CSMD1: variants seen among roughly 807,000 people sequenced by gnomAD.
CSMD1 encodes the protein CUB and sushi domain-containing protein 1.
In CSMD1, 213 loss-of-function variants were observed where a neutral mutation model predicts 417.5. That is an observed-to-expected ratio of 0.51 (90% confidence interval 0.46 to 0.57). The LOEUF (loss-of-function observed/expected upper bound fraction) is 0.57. Ranked by LOEUF, CSMD1 falls within the 20% of genes least tolerant of loss-of-function variation. The pLI, the probability that CSMD1 is intolerant of heterozygous loss-of-function variation, is 0.00. For synonymous variants in CSMD1, 2,862 were observed against 1,736.8 expected (o/e 1.65, Z -16.11); for missense variants, 6,923 against 4,529.7 (o/e 1.53, Z -15.17).
At chr8:4,409,449 C>T (rs1177597239) in intron 3 of CSMD1, among the ~76,000 whole-genome samples, 1 of 151,956 alleles carries the variant, frequency 6.6e-6, no homozygotes, top group African/African-American at 2.4e-5. Context: ...AAATCAACAA[C>T]AAAAAACAGC....
intron 3 of CSMD1, among the ~76,000 whole-genome samples, chr8:4,116,181 A>T (rs577890983): frequency 2.0e-5 from 3 of 151,804 alleles, no homozygotes; most frequent in Non-Finnish European, 4.4e-5. Context: ...TTTAGTACAG[A>T]CGGGGTTTCC....
At chr8:3,807,029 C>A (rs1036704714) in intron 5 of CSMD1, among the ~76,000 whole-genome samples, 1 of 152,090 alleles carries the variant, frequency 6.6e-6, no homozygotes, top group Admixed American at 6.5e-5. Context: ...TATTGTAACC[C>A]AGGCAGTCTG....
At chr8:3,435,508 A>T (rs1258467332) in intron 12 of CSMD1, among the ~76,000 whole-genome samples, 1 of 151,722 alleles carries the variant, frequency 6.6e-6, no homozygotes, top group Non-Finnish European at 1.5e-5. Context: ...CCTGAAGCCC[A>T]CTCTGTCCAC....
At chr8:4,893,137 A>T (rs1054260281) in intron 1 of CSMD1, among the ~76,000 whole-genome samples, 2 of 152,146 alleles carry the variant, frequency 1.3e-5, no homozygotes, top group African/African-American at 4.8e-5. Context: ...ACAGGTAAAC[A>T]TAATACCTTT....
chr8:4,310,146 G>A (rs1006718876), intron 3 of CSMD1, among the ~76,000 whole-genome samples: 7 of 152,224 alleles, frequency 4.6e-5, no homozygotes, highest in South Asian at 2.1e-4. Flanking sequence ...ACTGCTTCAC[G>A]TTTCTAACAC....
intron 1 of CSMD1, among the ~76,000 whole-genome samples, chr8:4,841,071 G>A (rs1800811708): frequency 6.6e-6 from 1 of 152,200 alleles, no homozygotes; most frequent in African/African-American, 2.4e-5. Flanking sequence ...TTCCTGCCTT[G>A]AGAAGAGCAC....
chr8:3,963,485 C>G (rs746773923), intron 5 of CSMD1, among the ~76,000 whole-genome samples: 2 of 152,074 alleles, frequency 1.3e-5, no homozygotes, highest in Non-Finnish European at 2.9e-5. Context: ...GAACATTATG[C>G]AATAGAAGTA....
intron 1 of CSMD1, among the ~76,000 whole-genome samples, chr8:4,641,370 T>G (rs935386470): frequency 6.6e-6 from 1 of 152,132 alleles, no homozygotes; most frequent in Non-Finnish European, 1.5e-5. Flanking sequence ...GTTAGTTTTT[T>G]TGCAGATTTC....
chr8:3,883,044 T>C (rs796588064), intron 5 of CSMD1, among the ~76,000 whole-genome samples: 8 of 152,144 alleles, frequency 5.3e-5, no homozygotes, highest in African/African-American at 1.9e-4. Flanking sequence ...CGCCTGAACA[T>C]ATCTAAGAGC....
At chr8:3,154,174 T>C (rs906921941) in intron 39 of CSMD1, among the ~76,000 whole-genome samples, 1 of 152,216 alleles carries the variant, frequency 6.6e-6, no homozygotes, top group Non-Finnish European at 1.5e-5. Flanking sequence ...GGTTTCACCA[T>C]GTTGGTCAGG....
intron 1 of CSMD1, among the ~76,000 whole-genome samples, chr8:4,878,501 T>C (rs1406046470): frequency 1.3e-5 from 2 of 151,784 alleles, no homozygotes; most frequent in East Asian, 3.9e-4. Context: ...ATGATGATGA[T>C]GATGATGATT....
At chr8:3,746,302 C>G (rs2129051827) in intron 6 of CSMD1, among the ~76,000 whole-genome samples, 1 of 152,302 alleles carries the variant, frequency 6.6e-6, no homozygotes, top group South Asian at 2.1e-4. Context: ...GAACTTTATT[C>G]TTGAAGCATA....
intron 1 of CSMD1, among the ~76,000 whole-genome samples, chr8:4,897,857 C>G (rs546379557): frequency 1.1e-4 from 17 of 152,214 alleles, no homozygotes; most frequent in Non-Finnish European, 1.9e-4. Context: ...GAAAGGCAAT[C>G]TAGATTTTGT....
intron 2 of CSMD1, among the ~76,000 whole-genome samples, chr8:4,615,897 G>A (rs988024923): frequency 4.0e-5 from 6 of 151,874 alleles, no homozygotes; most frequent in Non-Finnish European, 5.9e-5. Context: ...TGAATTCATA[G>A]CCCATAACTA....
At chr8:4,215,633 G>C (rs1310382935) in intron 3 of CSMD1, among the ~76,000 whole-genome samples, 6 of 151,992 alleles carry the variant, frequency 3.9e-5, no homozygotes, top group Non-Finnish European at 5.9e-5. Context: ...CATAAATTTG[G>C]ATCATACAAG....
intron 1 of CSMD1, among the ~76,000 whole-genome samples, chr8:4,905,368 AT>A (rs1563727269): frequency 2.0e-5 from 3 of 152,086 alleles, no homozygotes. Flanking sequence ...TCTTAGATAG[AT>A]TTATAAAATA....
intron 5 of CSMD1, among the ~76,000 whole-genome samples, chr8:3,817,447 A>T (rs951311596): frequency 1.7e-4 from 25 of 151,154 alleles, no homozygotes; most frequent in Admixed American, 2.6e-4. Context: ...TTCCCAGCTC[A>T]TTTTTGTGTT....
At chr8:3,290,480 G>C (rs1335616776) in intron 25 of CSMD1, among the ~76,000 whole-genome samples, 2 of 66,962 alleles carry the variant, frequency 3.0e-5, no homozygotes, top group South Asian at 1.0e-3. Flanking sequence ...TCTTCCATTT[G>C]TTTGTATCCT....
At chr8:3,320,615 C>T (rs953187118) in intron 23 of CSMD1, among the ~76,000 whole-genome samples, 15 of 152,146 alleles carry the variant, frequency 9.9e-5, no homozygotes, top group African/African-American at 3.6e-4. Context: ...TGGTCAATTC[C>T]AGAGAAGTGA....
Sources: gnomAD v4.1 joint callset for allele counts (sites outside exome capture counted in the v4.1 genomes callset) on GRCh38, gnomAD v4.1.1 for gene constraint, MANE v1.5 for transcripts, NCBI Gene and HGNC (gene_info 2026-07-23, HGNC 2026-07-21) for gene names.